Variants in SEMA3A observed in about 807,000 individuals in gnomAD.
SEMA3A encodes semaphorin 3A, also known as semaphorin-3A.
In SEMA3A, 29 loss-of-function variants were observed where a neutral mutation model predicts 97.9. The observed-to-expected ratio is 0.30, with a 90% CI of 0.22 to 0.40. The LOEUF (loss-of-function observed/expected upper bound fraction) is 0.40. Among genes scored for constraint, SEMA3A ranks in the 10% least tolerant of loss-of-function variants. SEMA3A has a pLI of 1.00. For synonymous variants in SEMA3A, 321 were observed against 323.7 expected (o/e 0.99, Z 0.09); for missense variants, 763 against 951.3 (o/e 0.80, Z 2.60).
At chr7:84,466,258 C>T (rs1442601545) in intron 1 of SEMA3A, among the ~76,000 whole-genome samples, 6 of 152,050 alleles carry the variant, frequency 3.9e-5, no homozygotes, top group South Asian at 2.1e-4. Flanking sequence ...CTGCAACCTC[C>T]GCCTCCCTGG....
intron 2 of SEMA3A, among the ~76,000 whole-genome samples, chr7:84,352,560 A>T (rs991691096): frequency 4.0e-5 from 6 of 151,814 alleles, no homozygotes; most frequent in Non-Finnish European, 8.8e-5. Flanking sequence ...AAAAATGAAA[A>T]TTTGGCCAAA....
intron 4 of SEMA3A, among the ~76,000 whole-genome samples, chr7:84,064,121 T>G (rs993268504): frequency 1.8e-4 from 28 of 152,258 alleles, no homozygotes; most frequent in Middle Eastern, 6.8e-3. Context: ...TATTCAACAT[T>G]CTTAAAGAAA....
At chr7:84,439,673 G>A (rs535875862) in intron 1 of SEMA3A, among the ~76,000 whole-genome samples, 7 of 152,222 alleles carry the variant, frequency 4.6e-5, no homozygotes, top group Non-Finnish European at 7.4e-5. Context: ...CTTGCTTAAG[G>A]AATTATTCAC....
chr7:84,445,552 A>C (rs1805393621), intron 1 of SEMA3A, among the ~76,000 whole-genome samples: 1 of 150,076 alleles, frequency 6.7e-6, no homozygotes, highest in African/African-American at 2.4e-5. Flanking sequence ...AAAAGAAAGA[A>C]ATCAATAATG....
intron 4 of SEMA3A, among the ~76,000 whole-genome samples, chr7:84,107,915 T>C (rs561372043): frequency 3.3e-5 from 5 of 152,212 alleles, no homozygotes; most frequent in African/African-American, 1.2e-4. Flanking sequence ...GAGAACCCAG[T>C]GCCATAATTT....
At chr7:84,444,803 G>T (rs933968205) in intron 1 of SEMA3A, among the ~76,000 whole-genome samples, 1 of 151,800 alleles carries the variant, frequency 6.6e-6, no homozygotes, top group Non-Finnish European at 1.5e-5. Context: ...CTCGTGATCC[G>T]CCTGCCACAG....
chr7:84,400,042 A>C (rs1022897676), intron 1 of SEMA3A, among the ~76,000 whole-genome samples: 1 of 152,180 alleles, frequency 6.6e-6, no homozygotes, highest in Non-Finnish European at 1.5e-5. Context: ...GGCATTTAGG[A>C]GTCTGCAAGA....
chr7:84,361,715 G>A (rs1330759486), intron 2 of SEMA3A, among the ~76,000 whole-genome samples: 1 of 151,854 alleles, frequency 6.6e-6, no homozygotes, highest in African/African-American at 2.4e-5. Flanking sequence ...TTGAACTAGG[G>A]GAATTTTAAA....
chr7:84,473,391 A>ATT (rs1806203384), intron 1 of SEMA3A, among the ~76,000 whole-genome samples: 1 of 148,054 alleles, frequency 6.8e-6, no homozygotes, highest in Admixed American at 6.8e-5. Flanking sequence ...TTATTATTAT[A>ATT]ATATTATTAT....
At chr7:84,107,640 T>C (rs149759639) in intron 4 of SEMA3A, among the ~76,000 whole-genome samples, 2,601 of 152,270 alleles carry the variant, frequency 0.017, 56 homozygotes, top group African/African-American at 0.046. Context: ...GAGGAAATCC[T>C]GGTAAATGGC....
intron 2 of SEMA3A, among the ~76,000 whole-genome samples, chr7:84,319,408 A>G (rs1239253405): frequency 6.6e-6 from 1 of 152,042 alleles, no homozygotes; most frequent in Non-Finnish European, 1.5e-5. Context: ...GGAAGGGGGA[A>G]GGGGGTAAAG....
At chr7:84,221,028 C>G (rs1464955630) in intron 3 of SEMA3A, among the ~76,000 whole-genome samples, 1 of 152,166 alleles carries the variant, frequency 6.6e-6, no homozygotes, top group Non-Finnish European at 1.5e-5. Flanking sequence ...GTTTCATCTA[C>G]TATGAAAATC....
At chr7:84,257,369 G>C (rs1425046274) in intron 3 of SEMA3A, among the ~76,000 whole-genome samples, 1 of 151,836 alleles carries the variant, frequency 6.6e-6, no homozygotes, top group Non-Finnish European at 1.5e-5. Context: ...CATGCTACCT[G>C]TTTTAAAACT....
intron 3 of SEMA3A, among the ~76,000 whole-genome samples, chr7:84,232,257 T>G (rs1342830267): frequency 1.4e-5 from 2 of 147,838 alleles, no homozygotes; most frequent in Non-Finnish European, 3.0e-5. Context: ...ATATGTATAT[T>G]TATTATATTA....
intron 1 of SEMA3A, among the ~76,000 whole-genome samples, chr7:84,387,122 G>T (rs1803418914): frequency 6.6e-6 from 1 of 152,000 alleles, no homozygotes; most frequent in Non-Finnish European, 1.5e-5. Flanking sequence ...TTCTGTATTT[G>T]GTGGATATTA....
chr7:84,362,461 A>G (rs1338160944), intron 2 of SEMA3A, among the ~76,000 whole-genome samples: 1 of 152,032 alleles, frequency 6.6e-6, no homozygotes, highest in Non-Finnish European at 1.5e-5. Context: ...TTGTTCTAAA[A>G]ACATCAGAGA....
intron 1 of SEMA3A, among the ~76,000 whole-genome samples, chr7:84,477,523 A>T (rs987795599): frequency 1.1e-4 from 16 of 151,872 alleles, no homozygotes; most frequent in African/African-American, 3.9e-4. Flanking sequence ...AATAAATAAA[A>T]TGTGTATATT....
chr7:84,321,023 T>C (rs1801630542), intron 2 of SEMA3A, among the ~76,000 whole-genome samples: 1 of 152,344 alleles, frequency 6.6e-6, no homozygotes, highest in Middle Eastern at 3.4e-3. Flanking sequence ...CTGAATTTCA[T>C]TCTTTCTTGT....
intron 2 of SEMA3A, among the ~76,000 whole-genome samples, chr7:84,368,609 A>G (rs532668645): frequency 1.3e-5 from 2 of 151,022 alleles, no homozygotes; most frequent in South Asian, 4.2e-4. Flanking sequence ...AAAGTAAGAT[A>G]AATTTAAAGC....
Sources: allele counts gnomAD v4.1 joint callset (sites outside exome capture counted in the v4.1 genomes callset), GRCh38; gene constraint gnomAD v4.1.1; transcripts MANE v1.5; gene names NCBI Gene and HGNC (gene_info 2026-07-23, HGNC 2026-07-21).